The following STOM variants were observed in gnomAD, a reference collection of about 807,000 sequenced individuals.
STOM encodes the protein erythrocyte band 7 integral membrane protein.
In STOM, 25 loss-of-function variants were observed where a neutral mutation model predicts 30.6. The observed-to-expected ratio is 0.82, with a 90% CI of 0.60 to 1.14. The LOEUF is 1.14. Ranked by LOEUF, STOM falls within the 50% of genes most tolerant of loss-of-function variation. The probability of loss-of-function intolerance (pLI) is 0.00; values close to 1 mark genes in which losing one functional copy is unlikely to be tolerated. For synonymous variants in STOM, 118 were observed against 130.8 expected, an observed-to-expected ratio of 0.90 and a Z score of 0.67; for missense variants, 292 against 365.2, an observed-to-expected ratio of 0.80 and a Z score of 1.63.
chr9:121,341,336 G>A lies in STOM; in HGVS notation c.733C>T (p.Pro245Ser). The A allele has an allele frequency of 9.3e-6, 15 of 1,614,168 alleles. No individual in the cohort carries two copies. Among genetic ancestry groups the A allele is most frequent in the Non-Finnish European group, 1.3e-5 (15 of 1,180,036 alleles). ...AGGTATCGGAGCTGAAGGGCTGCAG[G>A]AGATTCAGTGATGACCATGGAGGCT... is the stretch of plus-strand genomic sequence containing the variant. Reference protein sequence around the residue: ...KEASMVITESPAALQLRYLQT... With the variant: ...KEASMVITESSAALQLRYLQT... Residue 245 changes from proline to serine, a missense_variant, in exon 7 of 7, where the codon CCT becomes TCT. Transcript: ENST00000286713.
At chr9:121,352,966 A>G (rs1367584312) in intron 4 of STOM, among the ~76,000 whole-genome samples, 1 of 152,090 alleles carries the variant, frequency 6.6e-6, no homozygotes, top group Non-Finnish European at 1.5e-5. Context: ...GGTGGCGCAC[A>G]TCTATAGTCT....
At chr9:121,364,140 A>T (rs181517903) in intron 1 of STOM, among the ~76,000 whole-genome samples, 1 of 152,302 alleles carries the variant, frequency 6.6e-6, no homozygotes, top group African/African-American at 2.4e-5. Flanking sequence ...GAGATAGATT[A>T]AAAAAGCTAG....
At chr9:121,349,492 C>G (rs2064319915) in intron 4 of STOM, among the ~76,000 whole-genome samples, 169 bp from the exon 5 acceptor site, 1 of 152,070 alleles carries the variant, frequency 6.6e-6, no homozygotes, top group South Asian at 2.1e-4. Flanking sequence ...TATTCAAGTC[C>G]ATTAATTCAT....
chr9:121,370,139 C>T lies in STOM; in HGVS notation c.49G>A (p.Asp17Asn), dbSNP rs2064551226. Residue 17 changes from aspartate to asparagine, a missense_variant, in exon 1 of 7, where the codon GAC becomes AAC. Physicochemically the swap from Asp to Asn is conservative, Grantham distance 23. Coordinates refer to ENST00000286713, the MANE Select transcript of STOM (RefSeq NM_004099.6). The stretch of plus-strand genomic sequence containing the variant: ...ACGCGGGACTCACCCTTGAAGGAGT[C>T]GGGGAGCCGCTGGGCTTCGGAGTCC... ...TRDSEAQRLP[D>N]SFKDSPSKGL... is the part of the protein sequence containing the mutation. The T allele has an allele frequency of 2.6e-6, 4 of 1,545,734 alleles. No homozygotes were observed. Among genetic ancestry groups the T allele is most frequent in the Non-Finnish European group, 2.6e-6 (3 of 1,146,442 alleles).
At position 121,349,257 on chromosome 9, in the gene STOM, T is replaced by C. The variant is rs750247816; in HGVS notation, c.388A>G (p.Thr130Ala). 1 of 1,614,128 alleles carries C rather than the reference T, an allele frequency of 6.2e-7. No homozygotes were observed. Among genetic ancestry groups the C allele is most frequent in the Non-Finnish European group, 8.5e-7 (1 of 1,180,020 alleles). The part of the protein sequence containing the change: ...GVVYYRVQNA[T>A]LAVANITNAD... ...TTGGTGATATTTGCCACAGCCAGGG[T>C]TGCATTCTGAACGCGGTAATAGACC... The change falls in exon 5 of 7, where the codon ACC becomes GCC. Residue 130 changes from threonine to alanine, a missense_variant. Thr to Ala is a moderately conservative substitution (Grantham distance 58). Transcript: ENST00000286713.
rs745770275 is a variant in STOM at position 121,356,127 on chromosome 9, C to T, written c.91G>A (p.Gly31Arg). The T allele has an allele frequency of 5.0e-6, 8 of 1,613,976 alleles. No homozygotes were observed. Among genetic ancestry groups the T allele is most frequent in the South Asian group, 2.2e-5 (2 of 91,060 alleles). ...AATGAGAACGCCACCAAAATCCATC[C>T]GCAAGGTCCAAGGCCCTTACTGGGG... ...DSPSKGLGPC[G>R]WILVAFSFLF... is the part of the protein sequence containing the mutation. Residue 31 changes from glycine to arginine, a missense_variant, in exon 2 of 7, where the codon GGA becomes AGA. Coordinates refer to ENST00000286713, the MANE Select transcript of STOM (RefSeq NM_004099.6).
intron 1 of STOM, among the ~76,000 whole-genome samples, chr9:121,361,380 CTTTTTTTTTTT>C (rs5900482): frequency 0.017 from 691 of 41,154 alleles, 8 homozygotes; most frequent in African/African-American, 0.056. Flanking sequence ...CACTTGTGGA[CTTTTTTTTTTT>C]TTTTTTTTTT....
At position 121,353,333 on chromosome 9, in the gene STOM, A is replaced by T. The variant is rs1474863477; in HGVS notation, c.239-31T>A. The T allele has an allele frequency of 4.1e-6, 6 of 1,451,412 alleles. No homozygotes were observed. The South Asian group carries it at 7.4e-5, about 18-fold the overall frequency. 89.9% of individuals were successfully genotyped at this position (1,451,412 alleles called of 1,614,324 possible). The stretch of plus-strand genomic sequence containing the variant: ...ACAAAGATACACACATTATACAGAC[A>T]CCAGCAACCTAATCAGTTCACTTCT... On this transcript the variant is annotated intron_variant, in intron 3 of 6. Coordinates refer to ENST00000286713, the MANE Select transcript of STOM (RefSeq NM_004099.6).
At position 121,339,931 on chromosome 9, in the gene STOM, G is replaced by A; in HGVS notation, c.*1271C>T. 9.5e-7 allele frequency: 1 copy of A among 1,052,784 alleles called. No individual in the cohort carries two copies. Among genetic ancestry groups the A allele is most frequent in the Non-Finnish European group, 1.1e-6 (1 of 874,736 alleles). 65.2% of individuals were successfully genotyped at this position (1,052,784 alleles called of 1,614,324 possible). A position where few individuals can be genotyped will look rare whatever the true frequency, so the allele number is the denominator to read the frequency against. On this transcript the variant is annotated 3_prime_UTR_variant, in exon 7 of 7. Coordinates refer to ENST00000286713, the MANE Select transcript of STOM (RefSeq NM_004099.6). ...CTGTGAATTCCTTATACTATGTAATGAATGGGTTTGTAATCAACATATTTC... is the reference window on the plus strand; with the variant it reads ...CTGTGAATTCCTTATACTATGTAATAAATGGGTTTGTAATCAACATATTTC...
chr9:121,360,749 T>C (rs1311997833), intron 1 of STOM, among the ~76,000 whole-genome samples: 1 of 152,086 alleles, frequency 6.6e-6, no homozygotes, highest in Non-Finnish European at 1.5e-5. Context: ...ATGATCTACA[T>C]GAGGACAAGC....
intron 1 of STOM, among the ~76,000 whole-genome samples, chr9:121,366,911 G>T (rs2064509132): frequency 2.0e-5 from 3 of 150,830 alleles, no homozygotes; most frequent in South Asian, 4.2e-4. Flanking sequence ...AACATAGTGA[G>T]ACCCTGAGTT....
chr9:121,343,376 C>A (rs1442676018), intron 6 of STOM, among the ~76,000 whole-genome samples: 1 of 152,264 alleles, frequency 6.6e-6, no homozygotes, highest in South Asian at 2.1e-4. Flanking sequence ...GGTTAATAAG[C>A]CCTGTGTAGG....
rs1166815741 is a variant in STOM at position 121,340,015 on chromosome 9, T to C, written c.*1187A>G. Reference sequence around the variant, plus strand: ...AAAATATAATGGTTTCCTGAAGTTATCTCTTAAAAAAGTATTTTAGTCCTT... The same window carrying C: ...AAAATATAATGGTTTCCTGAAGTTACCTCTTAAAAAAGTATTTTAGTCCTT... On this transcript the variant is annotated 3_prime_UTR_variant, in exon 7 of 7. Transcript: ENST00000286713. 5 of 987,676 alleles carry C rather than the reference T, an allele frequency of 5.1e-6. No homozygotes were observed. Among genetic ancestry groups the C allele is most frequent in the Non-Finnish European group, 6.0e-6 (5 of 831,004 alleles). 61.2% of individuals were successfully genotyped at this position (987,676 alleles called of 1,614,324 possible).
In STOM at chr9:121,367,037, C is replaced by T. The variant is rs543269422; in HGVS notation, c.61+3090G>A. On this transcript the variant is annotated intron_variant, in intron 1 of 6. Transcript: ENST00000286713. ...ACAGTGAGCTATGACTGCACCATTG[C>T]ACTCCAGCCTGGGCAACAGAGCAAG... Among the ~76,000 whole-genome samples the T allele has an allele frequency of 3.9e-5, 6 of 152,050 alleles. No individual in the cohort carries two copies. The South Asian group carries it at 1.0e-3, about 26-fold the overall frequency.
At chr9:121,350,043 T>G (rs149214188) in intron 4 of STOM, among the ~76,000 whole-genome samples, 191 of 152,372 alleles carry the variant, frequency 1.3e-3, no homozygotes, top group Non-Finnish European at 1.7e-3. Context: ...TACATTCAAG[T>G]GCTCAGAAAA....
At chr9:121,361,407 T>C (rs899487574) in intron 1 of STOM, among the ~76,000 whole-genome samples, 1 of 86,498 alleles carries the variant, frequency 1.2e-5, no homozygotes, top group Non-Finnish European at 2.4e-5. Flanking sequence ...TTTTTTTTTT[T>C]AGATGTAATC....
chr9:121,366,129 T>G, intron 1 of STOM: 3 of 985,336 alleles, frequency 3.0e-6, no homozygotes, highest in Non-Finnish European at 3.6e-6. Context: ...AGTGCTCACT[T>G]TAACTGGACC....
intron 1 of STOM, among the ~76,000 whole-genome samples, chr9:121,360,462 T>G (rs2064440386): frequency 6.6e-6 from 1 of 152,226 alleles, no homozygotes; most frequent in Admixed American, 6.5e-5. Context: ...TGCATGATCT[T>G]TACCTCTTTG....
At chr9:121,359,411 T>C (rs1215175265) in intron 1 of STOM, among the ~76,000 whole-genome samples, 2 of 152,178 alleles carry the variant, frequency 1.3e-5, no homozygotes, top group Admixed American at 1.3e-4. Context: ...TTAAATAAAA[T>C]GATCTAAAGT....
Sources: allele counts gnomAD v4.1 joint callset (sites outside exome capture counted in the v4.1 genomes callset), GRCh38; gene constraint gnomAD v4.1.1; transcripts MANE v1.5; gene names NCBI Gene and HGNC (gene_info 2026-07-23, HGNC 2026-07-21).